Variants in RGS12 observed in about 807,000 individuals in gnomAD.
The protein encoded by RGS12 is regulator of G-protein signaling 12.
In RGS12, 66 loss-of-function variants were observed where a neutral mutation model predicts 120.1. The observed-to-expected ratio is 0.55, with a 90% CI of 0.45 to 0.67. RGS12 has a LOEUF of 0.67. RGS12 is among the 30% of genes least tolerant of loss of function. RGS12 has a pLI of 0.00. For missense variants in RGS12, 1,859 were observed against 1,957.7 expected (o/e 0.95, Z 0.95); for synonymous variants, 827 against 804.7 (o/e 1.03, Z -0.47).
At chr4:3,438,322 C>T (rs562949240) in intron 17 of RGS12, among the ~76,000 whole-genome samples, 3 of 152,202 alleles carry the variant, frequency 2.0e-5, no homozygotes, top group East Asian at 3.9e-4. Context: ...GAACCTGCCC[C>T]CGAAGCCTGC....
At chr4:3,434,280 G>A (rs1278400123) in intron 17 of RGS12, among the ~76,000 whole-genome samples, 1 of 152,070 alleles carries the variant, frequency 6.6e-6, no homozygotes, top group Non-Finnish European at 1.5e-5. Flanking sequence ...AGAACAGCAT[G>A]GGGGGACCTG....
At chr4:3,354,817 T>C (rs185376782) in intron 3 of RGS12, among the ~76,000 whole-genome samples, 78 of 152,254 alleles carry the variant, frequency 5.1e-4, no homozygotes, top group Admixed American at 2.3e-3. Context: ...CTCAAGAAGT[T>C]AGACAAAAAG....
chr4:3,438,694 G>T (rs2109278243), intron 17 of RGS12, among the ~76,000 whole-genome samples: 1 of 152,294 alleles, frequency 6.6e-6, no homozygotes, highest in South Asian at 2.1e-4. Context: ...GCCTCCCGGG[G>T]GTGCTGGCAA....
At chr4:3,432,666 G>T (rs982289268) in intron 17 of RGS12, among the ~76,000 whole-genome samples, 3 of 152,230 alleles carry the variant, frequency 2.0e-5, no homozygotes, top group Non-Finnish European at 4.4e-5. Flanking sequence ...CAGGAGGGTG[G>T]GTGGTACCGG....
chr4:3,368,098 G>T (rs982833652), intron 3 of RGS12, among the ~76,000 whole-genome samples: 1 of 152,148 alleles, frequency 6.6e-6, no homozygotes, highest in East Asian at 1.9e-4. Flanking sequence ...GTTCTCAGGC[G>T]CTGGTGGCTG....
At chr4:3,336,572 G>A (rs1712489719) in intron 2 of RGS12, among the ~76,000 whole-genome samples, 1 of 152,318 alleles carries the variant, frequency 6.6e-6, no homozygotes, top group East Asian at 1.9e-4. Flanking sequence ...TATGCACCAA[G>A]CACTGTGGGA....
Position 3,433,772 on chromosome 4 carries a change from G to A in RGS12, c.4114+2817G>A, listed in dbSNP as rs574643806. On this transcript the variant is annotated intron_variant, in intron 17 of 17. Transcript: ENST00000336727. This position sits in a 1 kb window ranked among gnomAD's most constrained non-coding sequence, Gnocchi z 4.4. ...CACACGCCACGCGGCACTCCACCCC[G>A]TCTGTCTAGCCCCAGCACCACGCAC... Among the ~76,000 whole-genome samples, 4 of 150,558 alleles carry A rather than the reference G, an allele frequency of 2.7e-5. No homozygotes were observed. The highest frequency in any genetic ancestry group is 6.6e-5 in the Admixed American group (1 of 15,182).
rs771823843 is a variant in RGS12, at chr4:3,423,646, G to A, written c.3234+5G>A. On this transcript the variant is annotated splice_donor_5th_base_variant and intron_variant, in intron 13 of 17. Transcript: ENST00000336727. ...AGTGGCCTGCTGGTGAGGCTGGTGA[G>A]TGTTGCACGGGGCCCGGGCGTCGTC... is the stretch of plus-strand genomic sequence containing the variant. The A allele has an allele frequency of 1.9e-6, 3 of 1,603,412 alleles. No individual in the cohort carries two copies. The highest frequency in any genetic ancestry group is 2.5e-6 in the Non-Finnish European group (3 of 1,177,570).
intron 2 of RGS12, among the ~76,000 whole-genome samples, chr4:3,326,421 A>T (rs1340682342): frequency 6.6e-6 from 1 of 152,026 alleles, no homozygotes; most frequent in Non-Finnish European, 1.5e-5. Flanking sequence ...TAATTTTTAA[A>T]TTTTTTTGTA....
chr4:3,310,533 G>A (rs1724325480), intron 1 of RGS12, among the ~76,000 whole-genome samples: 1 of 152,222 alleles, frequency 6.6e-6, no homozygotes, highest in Non-Finnish European at 1.5e-5. Context: ...GGTCCATGCT[G>A]CTCTGGGTCC....
At chr4:3,310,380 G>A (rs1232492336) in intron 1 of RGS12, among the ~76,000 whole-genome samples, 1 of 152,220 alleles carries the variant, frequency 6.6e-6, no homozygotes, top group East Asian at 1.9e-4. Flanking sequence ...GCTGTCTCCA[G>A]TCCACGCTGC....
chr4:3,355,305 T>C (rs1030049563), intron 3 of RGS12, among the ~76,000 whole-genome samples: 2 of 152,188 alleles, frequency 1.3e-5, no homozygotes, highest in African/African-American at 2.4e-5. Flanking sequence ...ATCTAAACAC[T>C]GTGTGGCATC....
At chr4:3,420,495 A>C (rs1177941260) in intron 9 of RGS12, 147 bp from the exon 10 acceptor site, 1 of 731,816 alleles carries the variant, frequency 1.4e-6, no homozygotes, top group Non-Finnish European at 2.3e-6. Flanking sequence ...TCTCCACCAG[A>C]GACGGCAAAG....
chr4:3,431,565 A>AT (rs1228361727), intron 17 of RGS12: 4 of 985,808 alleles, frequency 4.1e-6, no homozygotes, highest in Admixed American at 6.1e-5. Context: ...GAAGCAGGGG[A>AT]TTCAGTGAGT....
At chr4:3,432,857 TGGCCATA>T (rs1724456135) in intron 17 of RGS12, among the ~76,000 whole-genome samples, 1 of 152,320 alleles carries the variant, frequency 6.6e-6, no homozygotes, top group South Asian at 2.1e-4. Flanking sequence ...GGAGTGGCTT[TGGCCATA>T]GGTCGTAGGT....
chr4:3,430,378 C>G, intron 16 of RGS12, 29 bp from the exon 17 acceptor site: 1 of 1,581,190 alleles, frequency 6.3e-7, no homozygotes, highest in Non-Finnish European at 8.6e-7. Context: ...CTCTCTAAAA[C>G]ACGGTCACTC....
rs377156779 is a variant in RGS12 at position 3,422,609 on chromosome 4, A to G, written c.3033+39A>G. 5.7e-6 allele frequency: 9 copies of G among 1,584,748 alleles called. No individual in the cohort carries two copies. In the African/African-American group the frequency reaches 1.1e-4, roughly 19 times the overall value. The stretch of plus-strand genomic sequence containing the variant: ...CTGACCCTCGTGCTGCCCTCAGGCC[A>G]TGACCTCCCCGCTCCCTGGCCCCCA... On this transcript the variant is annotated intron_variant, in intron 11 of 17. Coordinates refer to ENST00000336727, the MANE Select transcript of RGS12 (RefSeq NM_001394154.1).
intron 17 of RGS12, 43 bp downstream of exon 17, chr4:3,430,998 T>A (rs768481769): frequency 5.6e-6 from 9 of 1,598,872 alleles, no homozygotes; most frequent in Non-Finnish European, 7.6e-6. Context: ...CCCGTAAGCG[T>A]GGTCTGCTCA....
chr4:3,347,603 A>G (rs1036032016), intron 3 of RGS12, among the ~76,000 whole-genome samples: 2 of 152,214 alleles, frequency 1.3e-5, no homozygotes, highest in East Asian at 1.9e-4. Context: ...TAGTTTCACA[A>G]ATTCATCTGT....
Sources: allele counts gnomAD v4.1 joint callset (sites outside exome capture counted in the v4.1 genomes callset), GRCh38; gene constraint gnomAD v4.1.1; non-coding constraint Gnocchi (gnomAD v3.1); transcripts MANE v1.5; gene names NCBI Gene and HGNC (gene_info 2026-07-23, HGNC 2026-07-21).